The following CCNB3 variants were observed in gnomAD, a reference collection of about 807,000 sequenced individuals.
CCNB3 encodes cyclin B3.
A neutral mutation model predicts 68.0 loss-of-function variants in CCNB3; 12 were observed. That is an observed-to-expected ratio of 0.18 (90% CI 0.11 to 0.29). The LOEUF (loss-of-function observed/expected upper bound fraction) is 0.29. CCNB3 is among the 10% of genes least tolerant of loss of function. CCNB3 has a pLI of 1.00. For synonymous variants in CCNB3, 354 were observed against 388.9 expected (o/e 0.91, Z 1.06); for missense variants, 904 against 993.1 (o/e 0.91, Z 1.21).
chrX:50,227,455 T>G lies in CCNB3; in HGVS notation c.-113+22505T>G, dbSNP rs1306364958. On this transcript the variant is annotated intron_variant, in intron 1 of 12. Transcript: ENST00000376042. ...TACAGAGAATATATACAAATATATA[T>G]AGAGAATATATATCTAAATATATAT... Among the ~76,000 whole-genome samples the G allele has an allele frequency of 1.2e-4, 10 of 82,239 alleles. No homozygotes were observed. The East Asian group carries it at 3.1e-3, about 26-fold the overall frequency. 71.4% of individuals were successfully genotyped at this position (82,239 alleles called of 115,157 possible).
chrX:50,211,916 A>C (rs1935488522), intron 1 of CCNB3, among the ~76,000 whole-genome samples: 1 of 112,035 alleles, frequency 8.9e-6, no homozygotes, highest in Non-Finnish European at 1.9e-5. Flanking sequence ...CATCATGAAG[A>C]TGTGTATGGG....
At chrX:50,317,930 C>T (rs1463114596) in intron 8 of CCNB3, among the ~76,000 whole-genome samples, 3 of 111,022 alleles carry the variant, frequency 2.7e-5, no homozygotes, top group Non-Finnish European at 5.7e-5. Flanking sequence ...ATCTATAGTC[C>T]ATTTTTAGTT....
chrX:50,351,876 A>T lies in CCNB3; in HGVS notation c.*173A>T. On this transcript the variant is annotated 3_prime_UTR_variant, in exon 13 of 13. Coordinates refer to ENST00000376042, the MANE Select transcript of CCNB3 (RefSeq NM_033031.3). ...GAAAGAAAAAATATTGTCATATTTG[A>T]CTACAAATTTAATAAAAAATTAATG... The T allele has an allele frequency of 2.6e-6, 1 of 383,402 alleles. No homozygotes were observed. The highest frequency in any genetic ancestry group is 4.4e-6 in the Non-Finnish European group (1 of 226,688). 31.6% of individuals were successfully genotyped at this position (383,402 alleles called of 1,213,427 possible).
chrX:50,220,056 G>T lies in CCNB3; in HGVS notation c.-113+15106G>T, dbSNP rs1935643600. 3.6e-5 allele frequency among the ~76,000 whole-genome samples: 4 copies of T among 111,624 alleles called. 1 individual carries two copies. The South Asian group carries it at 1.5e-3, about 42-fold the overall frequency. On this transcript the variant is annotated intron_variant, in intron 1 of 12. Coordinates refer to ENST00000376042, the MANE Select transcript of CCNB3 (RefSeq NM_033031.3). The stretch of plus-strand genomic sequence containing the variant: ...CAATTGTGAATGGGAGCTCACTCAT[G>T]ATTTGGCTCTCTGTCTCTTATTGGT...
At chrX:50,330,484 C>T (rs1236082889) in intron 8 of CCNB3, among the ~76,000 whole-genome samples, 5 of 111,578 alleles carry the variant, frequency 4.5e-5, no homozygotes, top group Non-Finnish European at 9.4e-5. Flanking sequence ...GAACCTCACT[C>T]ATTAGTGGGA....
In CCNB3 at chrX:50,279,759, T is replaced by TATATGAATATGTATATTCATATATGTAA. The variant is rs1936069396; in HGVS notation, c.-112-4779_-112-4778insGAATATGTATATTCATATATGTAAATAT. ...GATTATGTATATTCATATATGTAAA[T>TATATGAATATGTATATTCATATATGTAA]ATATATGAATATGTATATTCATATA... On this transcript the variant is annotated intron_variant, in intron 1 of 12. Transcript: ENST00000376042. Among the ~76,000 whole-genome samples, 259 of 89,599 alleles carry TATATGAATATGTATATTCATATATGTAA rather than the reference T, an allele frequency of 2.9e-3. 2 individuals are homozygous for TATATGAATATGTATATTCATATATGTAA. The highest frequency in any genetic ancestry group is 0.01 in the African/African-American group (249 of 24,701). The allele number at this position is 89,599 out of a possible 115,157, so 77.8% of individuals were successfully genotyped here.
At chrX:50,333,132 G>A (rs964091444) in intron 8 of CCNB3, among the ~76,000 whole-genome samples, 1 of 111,482 alleles carries the variant, frequency 9.0e-6, no homozygotes, top group Admixed American at 9.5e-5. Context: ...GTCGGTAGGC[G>A]GCATGTAGCT....
In CCNB3 at chrX:50,320,401, A is replaced by G. The variant is rs781885787; in HGVS notation, c.3516+6453A>G. On this transcript the variant is annotated intron_variant, in intron 8 of 12. Transcript: ENST00000376042. Reference sequence around the variant, plus strand: ...CCCTTCCGTCTAAGCTGTCAAATTTATGTGCATAGAGTTTTTCATAGTGTT... The same window carrying G: ...CCCTTCCGTCTAAGCTGTCAAATTTGTGTGCATAGAGTTTTTCATAGTGTT... Among the ~76,000 whole-genome samples the G allele has an allele frequency of 3.6e-5, 4 of 110,389 alleles. No homozygotes were observed. The South Asian group carries it at 1.5e-3, about 42-fold the overall frequency.
At chrX:50,282,194 G>C (rs1474068630) in intron 1 of CCNB3, among the ~76,000 whole-genome samples, 2 of 111,097 alleles carry the variant, frequency 1.8e-5, no homozygotes, top group East Asian at 5.6e-4. Context: ...TAGTTCCACT[G>C]CTTCGTTTTA....
rs781948042 is a variant in CCNB3 at position 50,347,691 on chromosome X, A to G, written c.3876A>G (p.Glu1292=). Residue 1292 remains glutamate, a synonymous_variant, in exon 11 of 13, where the codon GAA becomes GAG. Transcript: ENST00000376042. ...ACATCTGCGAGATGACCCTGCAGGA[A>G]TACCACTATGTCCAGGAGAAGGCTT... ...SRYICEMTLQ[E]YHYVQEKASK... 3.3e-6 allele frequency: 4 copies of G among 1,208,438 alleles called. No homozygotes were observed. In the South Asian group the frequency reaches 7.1e-5, roughly 21 times the overall value.
At chrX:50,341,789 G>T (rs1923159765) in intron 8 of CCNB3, 2 of 131,267 alleles carry the variant, frequency 1.5e-5, no homozygotes, top group East Asian at 4.8e-4. Context: ...ATCTAGTTGG[G>T]AAGAGAAAGT....
intron 5 of CCNB3, among the ~76,000 whole-genome samples, chrX:50,299,574 A>AGGTGT (rs1348159524): frequency 1.8e-5 from 2 of 111,152 alleles, no homozygotes; most frequent in Non-Finnish European, 3.8e-5. Context: ...ATTTTGGAAT[A>AGGTGT]GGTGTGGTGT....
chrX:50,293,964 C>T (rs1416796358), intron 4 of CCNB3, among the ~76,000 whole-genome samples: 1 of 111,503 alleles, frequency 9.0e-6, no homozygotes, highest in Non-Finnish European at 1.9e-5. Context: ...GAGACAGGGT[C>T]TTGCTCTGTT....
At chrX:50,336,604 A>G (rs1922866261) in intron 8 of CCNB3, among the ~76,000 whole-genome samples, 1 of 112,183 alleles carries the variant, frequency 8.9e-6, no homozygotes, top group African/African-American at 3.2e-5. Context: ...GGTAAGCCTC[A>G]CACAGTCGTT....
At chrX:50,346,572 T>C in intron 9 of CCNB3, 80 bp from the exon 10 acceptor site, 1 of 999,062 alleles carries the variant, frequency 1.0e-6, no homozygotes, top group Admixed American at 2.5e-5. Flanking sequence ...CCTTCACCCT[T>C]CTCCCTGCTG....
At chrX:50,300,780 G>A (rs1312496226) in intron 5 of CCNB3, among the ~76,000 whole-genome samples, 1 of 111,837 alleles carries the variant, frequency 8.9e-6, no homozygotes, top group Non-Finnish European at 1.9e-5. Context: ...GCAATTAGGC[G>A]TAGATTTGGT....
intron 1 of CCNB3, among the ~76,000 whole-genome samples, chrX:50,215,010 G>T (rs1935548292): frequency 9.1e-6 from 1 of 109,972 alleles, no homozygotes. Flanking sequence ...TTTATTTTGA[G>T]ATGCAGTCTT....
chrX:50,325,773 A>G (rs1403343856), intron 8 of CCNB3, among the ~76,000 whole-genome samples: 2 of 111,526 alleles, frequency 1.8e-5, no homozygotes, highest in African/African-American at 6.5e-5. Context: ...ATGTTCATAT[A>G]TATGTGTGTG....
intron 4 of CCNB3, among the ~76,000 whole-genome samples, chrX:50,293,746 C>A (rs1557210456): frequency 9.0e-6 from 1 of 111,258 alleles, no homozygotes; most frequent in Admixed American, 9.6e-5. Flanking sequence ...GATTTATTAG[C>A]AATATCTACA....
Sources: gnomAD v4.1 joint callset for allele counts (sites outside exome capture counted in the v4.1 genomes callset) on GRCh38, gnomAD v4.1.1 for gene constraint, MANE v1.5 for transcripts, NCBI Gene and HGNC (gene_info 2026-07-23, HGNC 2026-07-21) for gene names.